NME7: variants seen among roughly 807,000 people sequenced by gnomAD.
NME7 encodes nucleoside diphosphate kinase 7.
NME7 carries 41 observed loss-of-function variants against 49.1 expected under a neutral mutation model. The observed-to-expected ratio is 0.83, with a 90% CI of 0.65 to 1.08. The LOEUF is 1.08. Among genes scored for constraint, NME7 ranks in the 50% least tolerant of loss-of-function variants. The pLI is 0.00. For synonymous variants in NME7, 139 were observed against 150.6 expected (o/e 0.92, Z 0.56); for missense variants, 423 against 463.4 (o/e 0.91, Z 0.80).
intron 8 of NME7, among the ~76,000 whole-genome samples, chr1:169,236,883 T>C (rs1189420835): frequency 1.3e-5 from 2 of 152,060 alleles, no homozygotes; most frequent in Admixed American, 1.3e-4. Flanking sequence ...AAAATGGCTA[T>C]TTTGGTATTT....
At chr1:169,184,856 C>A (rs760397094) in intron 10 of NME7, among the ~76,000 whole-genome samples, 3 of 152,102 alleles carry the variant, frequency 2.0e-5, no homozygotes, top group Admixed American at 2.0e-4. Context: ...ATTGTTTGCT[C>A]ATTTTCATGG....
chr1:169,267,163 T>C (rs1649342672), intron 7 of NME7, among the ~76,000 whole-genome samples: 1 of 133,444 alleles, frequency 7.5e-6, no homozygotes, highest in Admixed American at 7.4e-5. Flanking sequence ...ACAATCCCAT[T>C]TACAATTGCC....
At chr1:169,318,166 C>T (rs1313560593) in intron 3 of NME7, among the ~76,000 whole-genome samples, 1 of 152,144 alleles carries the variant, frequency 6.6e-6, no homozygotes, top group Non-Finnish European at 1.5e-5. Context: ...TCAGGCAGGC[C>T]TCAAGTTCCA....
chr1:169,191,501 T>C (rs1660229919), intron 10 of NME7, among the ~76,000 whole-genome samples: 1 of 152,206 alleles, frequency 6.6e-6, no homozygotes, highest in African/African-American at 2.4e-5. Flanking sequence ...AAGCTAGGTG[T>C]CCCAAATAAG....
intron 7 of NME7, among the ~76,000 whole-genome samples, chr1:169,244,399 A>G (rs771760971): frequency 2.6e-5 from 4 of 151,914 alleles, no homozygotes; most frequent in Non-Finnish European, 5.9e-5. Context: ...TTGGGAGGCC[A>G]AAGGTGGGAG....
intron 10 of NME7, among the ~76,000 whole-genome samples, chr1:169,192,679 A>G (rs186557502): frequency 6.6e-6 from 1 of 152,302 alleles, no homozygotes; most frequent in East Asian, 1.9e-4. Context: ...TAAATTTTAT[A>G]TACCTAGAGC....
In NME7 at chr1:169,155,512, C is replaced by T. The variant is rs537804499; in HGVS notation, c.1098+13935G>A. Among the ~76,000 whole-genome samples, 19 of 152,290 alleles carry T rather than the reference C, an allele frequency of 1.2e-4. No homozygotes were observed. In the South Asian group the frequency reaches 3.9e-3, roughly 32 times the overall value. On this transcript the variant is annotated intron_variant, in intron 11 of 11. Transcript: ENST00000367811. ...AAGATGCAATGCTGTTTTGCCTGTG[C>T]CTGAAGTGGACTGCTTCGACCATCA...
At chr1:169,133,051 G>GTGTT (rs1443492864) in intron 11 of NME7, among the ~76,000 whole-genome samples, 36 of 152,240 alleles carry the variant, frequency 2.4e-4, no homozygotes, top group African/African-American at 8.2e-4. Context: ...AAAACATGAA[G>GTGTT]TGTTGGTTCC....
intron 11 of NME7, 22 bp from the exon 12 acceptor site, chr1:169,132,839 T>C (rs778062810): frequency 6.2e-7 from 1 of 1,612,152 alleles, no homozygotes; most frequent in Non-Finnish European, 8.5e-7. Context: ...AAACACATAA[T>C]TTCTTAGTTC....
At chr1:169,343,513 T>C (rs11807896) in intron 1 of NME7, among the ~76,000 whole-genome samples, 6,497 of 151,252 alleles carry the variant, frequency 0.043, 204 homozygotes, top group East Asian at 0.12. Flanking sequence ...TTTTTTGAGA[T>C]AGAGTTTCAC....
intron 11 of NME7, among the ~76,000 whole-genome samples, chr1:169,147,454 C>T (rs1244544089): frequency 6.6e-6 from 1 of 152,174 alleles, no homozygotes; most frequent in East Asian, 1.9e-4. Context: ...TATGTTCTAG[C>T]TGTGTGGCCC....
At chr1:169,172,278 T>TA (rs200984260) in intron 10 of NME7, among the ~76,000 whole-genome samples, 14 of 101,758 alleles carry the variant, frequency 1.4e-4, no homozygotes, top group African/African-American at 3.5e-4. Context: ...GTAACAAAAC[T>TA]AAAAAAAAAC....
chr1:169,272,907 C>T (rs1206181495), intron 7 of NME7, among the ~76,000 whole-genome samples: 1 of 133,320 alleles, frequency 7.5e-6, no homozygotes, highest in African/African-American at 2.5e-5. Flanking sequence ...TTTTACTCTC[C>T]CAGTAACAGT....
intron 1 of NME7, among the ~76,000 whole-genome samples, chr1:169,342,415 C>T (rs1159230071): frequency 1.3e-5 from 2 of 150,464 alleles, no homozygotes; most frequent in Non-Finnish European, 3.0e-5. Flanking sequence ...ATAAATTACC[C>T]AGTCTCACGT....
chr1:169,226,961 C>T (rs1647367456), intron 10 of NME7, among the ~76,000 whole-genome samples: 1 of 152,020 alleles, frequency 6.6e-6, no homozygotes. Flanking sequence ...AGATTCAGGG[C>T]CCTGAAAGAG....
intron 1 of NME7, among the ~76,000 whole-genome samples, chr1:169,337,904 C>T (rs1652542984): frequency 6.6e-6 from 1 of 152,146 alleles, no homozygotes; most frequent in Non-Finnish European, 1.5e-5. Flanking sequence ...ATTAACCTTA[C>T]TTTAGTGTGA....
chr1:169,193,363 A>AT, intron 10 of NME7, among the ~76,000 whole-genome samples: 1 of 152,264 alleles, frequency 6.6e-6, no homozygotes, highest in East Asian at 1.9e-4. Context: ...ACGCCTTAGT[A>AT]ATTACATCCT....
chr1:169,254,049 C>T (rs1462491071), intron 7 of NME7, among the ~76,000 whole-genome samples: 3 of 151,226 alleles, frequency 2.0e-5, no homozygotes, highest in African/African-American at 7.3e-5. Context: ...CTCTGCCTGG[C>T]TTTGGTATCA....
chr1:169,135,466 C>T (rs2101802698), intron 11 of NME7, among the ~76,000 whole-genome samples: 1 of 152,274 alleles, frequency 6.6e-6, no homozygotes, highest in East Asian at 1.9e-4. Context: ...AAATCTAGGA[C>T]TAAGGGACCT....
Sources: gnomAD v4.1 joint callset for allele counts (sites outside exome capture counted in the v4.1 genomes callset) on GRCh38, gnomAD v4.1.1 for gene constraint, MANE v1.5 for transcripts, NCBI Gene and HGNC (gene_info 2026-07-23, HGNC 2026-07-21) for gene names.